Variants in ONECUT1 observed in about 807,000 individuals in gnomAD.
The protein encoded by ONECUT1 is one cut homeobox 1.
Under a neutral mutation model 25.6 loss-of-function variants are expected in ONECUT1, and 12 were observed. The ratio of observed to expected loss-of-function variants is 0.47; its 90% CI spans 0.30 to 0.76. The LOEUF (loss-of-function observed/expected upper bound fraction) is 0.76. Among genes scored for constraint, ONECUT1 ranks in the 30% least tolerant of loss-of-function variants. ONECUT1 has a pLI of 0.07. For missense variants in ONECUT1, 620 were observed against 651.2 expected (o/e 0.95, Z 0.52); for synonymous variants, 285 against 270.2 (o/e 1.05, Z -0.54).
chr15:52,761,063 G>C (rs1050308171), intron 1 of ONECUT1, among the ~76,000 whole-genome samples: 49 of 149,446 alleles, frequency 3.3e-4, no homozygotes, highest in African/African-American at 1.1e-3. Flanking sequence ...GTGGGGGGCT[G>C]TAGGAGATGG....
chr15:52,756,742 T>C lies in ONECUT1; in HGVS notation c.*813A>G, dbSNP rs1235720309. Among the ~76,000 whole-genome samples the C allele has an allele frequency of 6.6e-6, 1 of 152,242 alleles. No individual in the cohort carries two copies. Among genetic ancestry groups the C allele is most frequent in the African/African-American group, 2.4e-5 (1 of 41,468 alleles). Reference sequence around the variant, plus strand: ...ATAATAGTCATGATTCTATGTGGCATGTGTATTACAGCTAGATCAGTTCAT... The same window carrying C: ...ATAATAGTCATGATTCTATGTGGCACGTGTATTACAGCTAGATCAGTTCAT... On this transcript the variant is annotated 3_prime_UTR_variant, in exon 2 of 2. Transcript: ENST00000305901.
chr15:52,769,537 T>C (rs1285913590), intron 1 of ONECUT1, among the ~76,000 whole-genome samples: 1 of 152,156 alleles, frequency 6.6e-6, no homozygotes, highest in Non-Finnish European at 1.5e-5. Context: ...TATGGGGATA[T>C]AGCTGAAATG....
At chr15:52,764,034 C>T (rs2083720608) in intron 1 of ONECUT1, among the ~76,000 whole-genome samples, 1 of 152,186 alleles carries the variant, frequency 6.6e-6, no homozygotes, top group African/African-American at 2.4e-5. Flanking sequence ...ATAGTAACAT[C>T]TTAGGATCAG....
intron 1 of ONECUT1, among the ~76,000 whole-genome samples, chr15:52,759,796 A>G (rs2083695375): frequency 6.7e-6 from 1 of 149,740 alleles, no homozygotes. Flanking sequence ...TTTTATAGAG[A>G]TGGGGTCTCA....
At chr15:52,770,242 G>T (rs1361122339) in intron 1 of ONECUT1, among the ~76,000 whole-genome samples, 1 of 152,216 alleles carries the variant, frequency 6.6e-6, no homozygotes, top group Non-Finnish European at 1.5e-5. Flanking sequence ...AACTTTAAAA[G>T]CACTCGTGCC....
At chr15:52,774,680 T>G (rs1427044691) in intron 1 of ONECUT1, among the ~76,000 whole-genome samples, 1 of 152,088 alleles carries the variant, frequency 6.6e-6, no homozygotes, top group Non-Finnish European at 1.5e-5. Context: ...ATGGTAAGTA[T>G]CAAACAAATG....
chr15:52,776,104 A>G (rs758623335), intron 1 of ONECUT1, among the ~76,000 whole-genome samples: 2 of 152,294 alleles, frequency 1.3e-5, no homozygotes, highest in South Asian at 4.2e-4. Context: ...AGGACCCACA[A>G]TCTTCACCTC....
intron 1 of ONECUT1, among the ~76,000 whole-genome samples, chr15:52,783,123 G>A (rs1044854130): frequency 6.6e-6 from 1 of 152,158 alleles, no homozygotes; most frequent in African/African-American, 2.4e-5. Flanking sequence ...TAAAGACCTC[G>A]TAGATTAGAG....
At chr15:52,768,875 C>A (rs2083749942) in intron 1 of ONECUT1, among the ~76,000 whole-genome samples, 2 of 152,136 alleles carry the variant, frequency 1.3e-5, no homozygotes, top group Non-Finnish European at 1.5e-5. Context: ...TCCCAAAAGC[C>A]CAAGATGAAA....
rs555045008 is a variant in ONECUT1 at position 52,788,991 on chromosome 15, C to A, written c.894G>T (p.Ala298=). The stretch of plus-strand genomic sequence containing the variant: ...GCTTGAGCTCGGTGGTGATACGCTG[C>A]GCCACCTCTTTGGTATTGATCTCTT... The part of the protein sequence containing the change: ...QMEEINTKEV[A]QRITTELKRY... The change falls in exon 1 of 2, where the codon GCG becomes GCT. Residue 298 remains alanine, a synonymous_variant. Transcript: ENST00000305901. This position sits in a 1 kb window ranked among gnomAD's most constrained non-coding sequence, Gnocchi z 4.3. 71 of 1,611,572 alleles carry A rather than the reference C, an allele frequency of 4.4e-5. No homozygotes were observed. In the South Asian group the frequency reaches 6.9e-4, roughly 16 times the overall value.
Position 52,789,645 on chromosome 15 carries a change from G to C in ONECUT1, c.240C>G (p.Ala80=), listed in dbSNP as rs1226209236. ...TGGTCATGGTGGGATGCAGGGGGCC[G>C]GCCAGGCTGTGCTCAGGGGCCCGGT... is the stretch of plus-strand genomic sequence containing the variant. ...HHHRAPEHSL[A]GPLHPTMTMA... Residue 80 remains alanine, a synonymous_variant, in exon 1 of 2, where the codon GCC becomes GCG. Transcript: ENST00000305901. The surrounding 1 kb of genome is among the most constrained non-coding windows in gnomAD (Gnocchi z 4.1). 12 of 1,553,034 alleles carry C rather than the reference G, an allele frequency of 7.7e-6. No homozygotes were observed. Among genetic ancestry groups the C allele is most frequent in the Non-Finnish European group, 1.0e-5 (12 of 1,150,230 alleles).
chr15:52,765,517 C>G (rs74012474), intron 1 of ONECUT1, among the ~76,000 whole-genome samples: 1,826 of 152,242 alleles, frequency 0.012, 54 homozygotes, highest in African/African-American at 0.043. Flanking sequence ...AAAGTAAACT[C>G]TTAGAGACAA....
intron 1 of ONECUT1, among the ~76,000 whole-genome samples, chr15:52,769,733 A>G (rs1261325413): frequency 2.0e-5 from 3 of 152,044 alleles, no homozygotes; most frequent in Admixed American, 6.6e-5. Flanking sequence ...GTAGGTAATC[A>G]CCTCCCTTTA....
intron 1 of ONECUT1, chr15:52,780,509 A>T (rs2083833717): frequency 7.5e-7 from 1 of 1,339,180 alleles, no homozygotes; most frequent in South Asian, 1.3e-5. Context: ...TTTGTCTAGC[A>T]TAAGTAATTA....
Position 52,757,676 on chromosome 15 carries a change from A to G in ONECUT1, c.1277T>C (p.Leu426Pro), listed in dbSNP as rs372415087. The G allele has an allele frequency of 2.5e-6, 4 of 1,614,022 alleles. No homozygotes were observed. The highest frequency in any genetic ancestry group is 4.5e-5 in the East Asian group (2 of 44,882). The part of the protein sequence containing the change: ...ITISQQLGLE[L>P]STVSNFFMNA... ...CATGAAGAAGTTGCTGACAGTGCTC[A>G]GCTCCAACCCCAGCTGCTGGGAAAT... Residue 426 changes from leucine to proline, a missense_variant, in exon 2 of 2, where the codon CTG (leucine) becomes CCG (proline). Coordinates refer to ENST00000305901, the MANE Select transcript of ONECUT1 (RefSeq NM_004498.4).
At position 52,784,808 on chromosome 15, in the gene ONECUT1, C is replaced by T. The variant is rs1428450813; in HGVS notation, c.1105+3972G>A. 6.6e-6 allele frequency among the ~76,000 whole-genome samples: 1 copy of T among 152,220 alleles called. No homozygotes were observed. The highest frequency in any genetic ancestry group is 1.9e-4 in the East Asian group (1 of 5,194). On this transcript the variant is annotated intron_variant, in intron 1 of 1. Coordinates refer to ENST00000305901, the MANE Select transcript of ONECUT1 (RefSeq NM_004498.4). This position sits in a 1 kb window ranked among gnomAD's most constrained non-coding sequence, Gnocchi z 5.0. ...ACCGGGATGCACTGCCACTTTTCGGCCTGGCGGGCTCTGGGACTCCTTGGT... is the reference window on the plus strand; with the variant it reads ...ACCGGGATGCACTGCCACTTTTCGGTCTGGCGGGCTCTGGGACTCCTTGGT...
At chr15:52,769,227 G>A (rs1384776961) in intron 1 of ONECUT1, among the ~76,000 whole-genome samples, 1 of 152,148 alleles carries the variant, frequency 6.6e-6, no homozygotes, top group Non-Finnish European at 1.5e-5. Flanking sequence ...CTTCCCCACA[G>A]TATAATTAGT....
At position 52,789,462 on chromosome 15, in the gene ONECUT1, C is replaced by A; in HGVS notation, c.423G>T (p.Leu141=). 1 of 1,613,672 alleles carries A rather than the reference C, an allele frequency of 6.2e-7. No individual in the cohort carries two copies. The highest frequency in any genetic ancestry group is 1.3e-5 in the African/African-American group (1 of 75,042). ...TGAAGCTACCGCTCACGTTGCCCGC[C>A]AGGCGCTGGTGGTGGTGCGGGTGGT... ...HHHHPHHHQR[L]AGNVSGSFTL... The change falls in exon 1 of 2, where the codon CTG becomes CTT. Residue 141 remains leucine, a synonymous_variant. Coordinates refer to ENST00000305901, the MANE Select transcript of ONECUT1 (RefSeq NM_004498.4). This position sits in a 1 kb window ranked among gnomAD's most constrained non-coding sequence, Gnocchi z 4.1.
chr15:52,774,677 G>A (rs2083788847), intron 1 of ONECUT1, among the ~76,000 whole-genome samples: 1 of 152,142 alleles, frequency 6.6e-6, no homozygotes. Context: ...AACATGGTAA[G>A]TATCAAACAA....
Sources: allele counts gnomAD v4.1 joint callset (sites outside exome capture counted in the v4.1 genomes callset), GRCh38; gene constraint gnomAD v4.1.1; non-coding constraint Gnocchi (gnomAD v3.1); transcripts MANE v1.5; gene names NCBI Gene and HGNC (gene_info 2026-07-23, HGNC 2026-07-21).